Variants in CALM3 observed in about 807,000 individuals in gnomAD.
CALM3 encodes the protein calmodulin 3.
CALM3 carries 5 observed loss-of-function variants against 20.1 expected under a neutral mutation model. That is an observed-to-expected ratio of 0.25 (90% CI 0.13 to 0.52). The LOEUF (loss-of-function observed/expected upper bound fraction) is 0.52. Ranked by LOEUF, CALM3 falls within the 20% of genes least tolerant of loss-of-function variation. The pLI is 0.96. For synonymous variants in CALM3, 69 were observed against 68.1 expected, an observed-to-expected ratio of 1.01 and a Z score of -0.06; for missense variants, 57 against 192.8, an observed-to-expected ratio of 0.30 and a Z score of 4.17.
chr19:46,609,103 C>G (rs1271158334), intron 5 of CALM3, 22 bp from the exon 6 acceptor site: 5 of 1,610,076 alleles, frequency 3.1e-6, no homozygotes, highest in Non-Finnish European at 3.4e-6. Context: ...CTGACCTCCT[C>G]TCTCTCTGCT....
In CALM3 at chr19:46,605,786, G is replaced by A. The variant is rs776763027; in HGVS notation, c.4-41G>A. On this transcript the variant is annotated intron_variant, in intron 1 of 5. Coordinates refer to ENST00000291295, the MANE Select transcript of CALM3 (RefSeq NM_005184.4). This position sits in a 1 kb window ranked among gnomAD's most constrained non-coding sequence, Gnocchi z 4.1. ...TGAGTGAGGAAGATGCGTCCGTGCT[G>A]TCCGGCCTGGTGACTGACTTTCCCC... The A allele has an allele frequency of 3.1e-6, 5 of 1,611,900 alleles. No homozygotes were observed. In the South Asian group the frequency reaches 5.5e-5, roughly 18 times the overall value.
At chr19:46,606,941 T>G (rs1181404092) in intron 2 of CALM3, among the ~76,000 whole-genome samples, 1 of 152,130 alleles carries the variant, frequency 6.6e-6, no homozygotes, top group Non-Finnish European at 1.5e-5. Context: ...GTGTAACAAG[T>G]ACTAAAGGCC....
Position 46,601,998 on chromosome 19 carries a change from A to G in CALM3, c.3+561A>G, listed in dbSNP as rs887404622. 1.3e-4 allele frequency: 107 copies of G among 831,478 alleles called. No individual in the cohort carries two copies. The highest frequency in any genetic ancestry group is 7.3e-4 in the African/African-American group (31 of 42,604). 51.5% of individuals were successfully genotyped at this position (831,478 alleles called of 1,614,324 possible). On this transcript the variant is annotated intron_variant, in intron 1 of 5. Transcript: ENST00000291295. The surrounding 1 kb of genome is among the most constrained non-coding windows in gnomAD (Gnocchi z 4.2). ...TGTGGAGCAGAGGAGAGGGTCAAGG[A>G]TGGGCGGTCACTTCTACAGATGAGA... is the stretch of plus-strand genomic sequence containing the variant.
chr19:46,603,766 T>G (rs756712939), intron 1 of CALM3, among the ~76,000 whole-genome samples: 1 of 151,878 alleles, frequency 6.6e-6, no homozygotes, highest in Non-Finnish European at 1.5e-5. Flanking sequence ...GGGAAGTGGG[T>G]CTCCAACATG....
rs1322619387 is a variant in CALM3 at position 46,601,506 on chromosome 19, G to A, written c.3+69G>A. 3 of 1,343,416 alleles carry A rather than the reference G, an allele frequency of 2.2e-6. No homozygotes were observed. Among genetic ancestry groups the A allele is most frequent in the Non-Finnish European group, 2.9e-6 (3 of 1,036,710 alleles). 83.2% of individuals were successfully genotyped at this position (1,343,416 alleles called of 1,614,324 possible). On this transcript the variant is annotated intron_variant, in intron 1 of 5. Coordinates refer to ENST00000291295, the MANE Select transcript of CALM3 (RefSeq NM_005184.4). This position sits in a 1 kb window ranked among gnomAD's most constrained non-coding sequence, Gnocchi z 4.2. ...GGGCTTAACGGGGCAGGACCCCTGA[G>A]GGGGCGACAGAGCCCAGAGTGGGGG...
rs1162014896 is a variant in CALM3, at chr19:46,609,958, C to T, written c.*805C>T. 6.5e-6 allele frequency: 1 copy of T among 152,732 alleles called. No individual in the cohort carries two copies. 9.5% of individuals were successfully genotyped at this position (152,732 alleles called of 1,614,324 possible). The stretch of plus-strand genomic sequence containing the variant: ...TGGTGCTAACATCCCATGCCGCTCC[C>T]TCCTCACGATGCACCCACCGCCCTG... On this transcript the variant is annotated 3_prime_UTR_variant, in exon 6 of 6. Coordinates refer to ENST00000291295, the MANE Select transcript of CALM3 (RefSeq NM_005184.4).
At chr19:46,606,742 A>C (rs574384111) in intron 2 of CALM3, among the ~76,000 whole-genome samples, 1 of 152,126 alleles carries the variant, frequency 6.6e-6, no homozygotes, top group Non-Finnish European at 1.5e-5. Context: ...TACAGGAACT[A>C]TTGTGTAATT....
Position 46,601,530 on chromosome 19 carries a change from G to T in CALM3, c.3+93G>T. ...AGGGGGCGACAGAGCCCAGAGTGGG[G>T]GGCGTCCGGGCCCGGCGAGAGCCTC... is the stretch of plus-strand genomic sequence containing the variant. On this transcript the variant is annotated intron_variant, in intron 1 of 5. Coordinates refer to ENST00000291295, the MANE Select transcript of CALM3 (RefSeq NM_005184.4). This position sits in a 1 kb window ranked among gnomAD's most constrained non-coding sequence, Gnocchi z 4.2. The T allele has an allele frequency of 1.7e-6, 2 of 1,192,238 alleles. No individual in the cohort carries two copies. The highest frequency in any genetic ancestry group is 2.1e-5 in the South Asian group (1 of 47,354). The allele number at this position is 1,192,238 out of a possible 1,614,324, so 73.9% of individuals were successfully genotyped here.
At position 46,610,467 on chromosome 19, in the gene CALM3, A is replaced by ACCTCCCCACCCCACCCCCCACCC. The variant is rs1971859420; in HGVS notation, c.*1318_*1340dup. On this transcript the variant is annotated 3_prime_UTR_variant, in exon 6 of 6. Coordinates refer to ENST00000291295, the MANE Select transcript of CALM3 (RefSeq NM_005184.4). The stretch of plus-strand genomic sequence containing the variant: ...TTCATTTCATCTGGCTCCCCCCACC[A>ACCTCCCCACCCCACCCCCCACCC]CCTCCCCACCCCACCCCCCACCCCC... 1.8e-5 allele frequency: 1 copy of ACCTCCCCACCCCACCCCCCACCC among 54,822 alleles called. No individual in the cohort carries two copies. The highest frequency in any genetic ancestry group is 3.8e-5 in the Non-Finnish European group (1 of 26,364). The allele number at this position is 54,822 out of a possible 1,614,324, so 3.4% of individuals were successfully genotyped here. A position where few individuals can be genotyped will look rare whatever the true frequency, so the allele number is the denominator to read the frequency against.
intron 1 of CALM3, among the ~76,000 whole-genome samples, chr19:46,603,158 A>C (rs1971670395): frequency 6.6e-6 from 1 of 152,352 alleles, no homozygotes; most frequent in East Asian, 1.9e-4. Flanking sequence ...AAGGCTGGGG[A>C]GAACAGGCAG....
rs147880865 is a variant in CALM3 at position 46,608,867 on chromosome 19, G to A, written c.307G>A (p.Ala103Thr). The change falls in exon 5 of 6, where the codon GCC becomes ACC. Residue 103 changes from alanine to threonine, a missense_variant. Coordinates refer to ENST00000291295, the MANE Select transcript of CALM3 (RefSeq NM_005184.4). This position sits in a 1 kb window ranked among gnomAD's most constrained non-coding sequence, Gnocchi z 5.5. Reference protein sequence around the residue: ...FDKDGNGYISAAELRHVMTNL... With the variant: ...FDKDGNGYISTAELRHVMTNL... The stretch of plus-strand genomic sequence containing the variant: ...CCAGGATGGGAATGGCTACATCAGC[G>A]CCGCAGAGCTGCGTCACGTAATGAC... 1.9e-6 allele frequency: 3 copies of A among 1,576,190 alleles called. No homozygotes were observed. The highest frequency in any genetic ancestry group is 1.7e-6 in the Non-Finnish European group (2 of 1,162,996).
Position 46,610,328 on chromosome 19 carries a change from C to T in CALM3, c.*1175C>T, listed in dbSNP as rs1389840622. The stretch of plus-strand genomic sequence containing the variant: ...CCTCTTCCCTCGCCCACCTGCCTGC[C>T]CCCATACTCCCCCAGCGGAGAGCAT... On this transcript the variant is annotated 3_prime_UTR_variant, in exon 6 of 6. Coordinates refer to ENST00000291295, the MANE Select transcript of CALM3 (RefSeq NM_005184.4). The T allele has an allele frequency of 2.6e-5, 4 of 152,718 alleles. No individual in the cohort carries two copies. The highest frequency in any genetic ancestry group is 2.0e-4 in the Admixed American group (3 of 15,274). The allele number at this position is 152,718 out of a possible 1,614,324, so 9.5% of individuals were successfully genotyped here.
At chr19:46,606,266 C>G in intron 2 of CALM3, 1 of 198,146 alleles carries the variant, frequency 5.0e-6, no homozygotes, top group Non-Finnish European at 1.0e-5. Context: ...TCGTCACTCC[C>G]ACCTCTGCGC....
At position 46,601,526 on chromosome 19, in the gene CALM3, T is replaced by TTG; in HGVS notation, c.3+89_3+90insTG. 1 of 1,224,452 alleles carries TTG rather than the reference T, an allele frequency of 8.2e-7. No homozygotes were observed. The highest frequency in any genetic ancestry group is 1.1e-6 in the Non-Finnish European group (1 of 949,280). The allele number at this position is 1,224,452 out of a possible 1,614,324, so 75.8% of individuals were successfully genotyped here. On this transcript the variant is annotated intron_variant, in intron 1 of 5. Transcript: ENST00000291295. This position sits in a 1 kb window ranked among gnomAD's most constrained non-coding sequence, Gnocchi z 4.2. ...CCTGAGGGGGCGACAGAGCCCAGAG[T>TTG]GGGGGGCGTCCGGGCCCGGCGAGAG...
At chr19:46,604,851 C>A (rs1168758761) in intron 1 of CALM3, among the ~76,000 whole-genome samples, 2 of 152,126 alleles carry the variant, frequency 1.3e-5, no homozygotes, top group Non-Finnish European at 2.9e-5. Context: ...TGTCTTTTGG[C>A]TGCTAAAGCT....
At position 46,609,205 on chromosome 19, in the gene CALM3, C is replaced by T. The variant is rs370437245; in HGVS notation, c.*52C>T. ...CGTTCTCTTGATCTCTCTCTTCTCG[C>T]GCGCGCACTCTCTCTTCAACACTCC... is the stretch of plus-strand genomic sequence containing the variant. On this transcript the variant is annotated 3_prime_UTR_variant, in exon 6 of 6. Transcript: ENST00000291295. 1.2e-4 allele frequency: 186 copies of T among 1,570,270 alleles called. No homozygotes were observed. Among genetic ancestry groups the T allele is most frequent in the South Asian group, 3.8e-4 (34 of 88,826 alleles).
intron 2 of CALM3, among the ~76,000 whole-genome samples, chr19:46,606,940 G>C (rs1971755142): frequency 6.6e-6 from 1 of 152,146 alleles, no homozygotes; most frequent in African/African-American, 2.4e-5. Context: ...TGTGTAACAA[G>C]TACTAAAGGC....
At chr19:46,603,011 T>TCGCTGAG (rs1676893032) in intron 1 of CALM3, among the ~76,000 whole-genome samples, 1 of 152,212 alleles carries the variant, frequency 6.6e-6, no homozygotes, top group African/African-American at 2.4e-5. Flanking sequence ...TTCAGGGCCC[T>TCGCTGAG]CGCTGAGCGT....
rs543939181 is a variant in CALM3, at chr19:46,608,008, A to G, written c.35-189A>G. 1.3e-4 allele frequency: 75 copies of G among 580,916 alleles called. 1 individual carries two copies. In the South Asian group the frequency reaches 1.5e-3, roughly 12 times the overall value. The allele number at this position is 580,916 out of a possible 1,614,324, so 36.0% of individuals were successfully genotyped here. On this transcript the variant is annotated intron_variant, in intron 2 of 5. Transcript: ENST00000291295. This position sits in a 1 kb window ranked among gnomAD's most constrained non-coding sequence, Gnocchi z 5.5. ...GTTGATGTTCAATAACTGTTGAATG[A>G]AGGTTGGAAGGGCTTTGCCCTGAGC...
Sources: allele counts gnomAD v4.1 joint callset (sites outside exome capture counted in the v4.1 genomes callset), GRCh38; gene constraint gnomAD v4.1.1; non-coding constraint Gnocchi (gnomAD v3.1); transcripts MANE v1.5; gene names NCBI Gene and HGNC (gene_info 2026-07-23, HGNC 2026-07-21).